The following ITGB5 variants were observed in gnomAD, a reference collection of about 807,000 sequenced individuals.
ITGB5 encodes the protein integrin beta-5.
A neutral mutation model predicts 84.8 loss-of-function variants in ITGB5; 38 were observed. The observed-to-expected ratio is 0.45, with a 90% CI of 0.35 to 0.59. The LOEUF (loss-of-function observed/expected upper bound fraction) is 0.59. Among genes scored for constraint, ITGB5 ranks in the 20% least tolerant of loss-of-function variants. The pLI, the probability that ITGB5 is intolerant of heterozygous loss-of-function variation, is 0.01. For synonymous variants in ITGB5, 393 were observed against 414.4 expected (o/e 0.95, Z 0.63); for missense variants, 905 against 1,034.5 (o/e 0.87, Z 1.72).
At chr3:124,847,744 TG>T (rs1233894871) in intron 4 of ITGB5, among the ~76,000 whole-genome samples, 1 of 152,238 alleles carries the variant, frequency 6.6e-6, no homozygotes, top group Non-Finnish European at 1.5e-5. Context: ...TTATACACTT[TG>T]TTATTATAGA....
In ITGB5 at chr3:124,764,551, C is replaced by T. The variant is rs750137408; in HGVS notation, c.2144G>A (p.Gly715Glu). Residue 715 changes from glycine (G) to glutamate (E), a missense_variant, in exon 14 of 15, where the codon GGA (glycine) becomes GAA (glutamate). Physicochemically the swap from Gly to Glu is moderately conservative, Grantham distance 98 (BLOSUM62 -2). Coordinates refer to ENST00000296181, the MANE Select transcript of ITGB5 (RefSeq NM_002213.5). ...NLTVLREPEC[G>E]NTPNAMTILL... ...GATGGTCATGGCGTTGGGGGTGTTT[C>T]CACACTCTGGGGGGACCAGAAGCAT... The T allele has an allele frequency of 2.5e-6, 4 of 1,610,458 alleles. No homozygotes were observed. Among genetic ancestry groups the T allele is most frequent in the East Asian group, 4.5e-5 (2 of 44,798 alleles).
At chr3:124,894,245 A>G (rs1482068102) in intron 1 of ITGB5, among the ~76,000 whole-genome samples, 3 of 144,570 alleles carry the variant, frequency 2.1e-5, no homozygotes, top group Non-Finnish European at 4.5e-5. Flanking sequence ...CCATTCTCCT[A>G]CCTCAGCCTC....
At chr3:124,852,996 T>C (rs540850594) in intron 3 of ITGB5, among the ~76,000 whole-genome samples, 2 of 152,330 alleles carry the variant, frequency 1.3e-5, no homozygotes, top group Admixed American at 6.5e-5. Context: ...TCAAAAACTT[T>C]TTTTAATTTT....
rs1039572100 is a variant in ITGB5 at position 124,762,502 on chromosome 3, G to A, written c.*1121C>T. 1.3e-5 allele frequency: 2 copies of A among 152,224 alleles called. No individual in the cohort carries two copies. Among genetic ancestry groups the A allele is most frequent in the African/African-American group, 4.8e-5 (2 of 41,452 alleles). The allele number at this position is 152,224 out of a possible 1,614,324, so 9.4% of individuals were successfully genotyped here. A position where few individuals can be genotyped will look rare whatever the true frequency, so the allele number is the denominator to read the frequency against. Reference sequence around the variant, plus strand: ...ATATGGGAACTTAAGGGGACTTCATGGCCCTGCGGGAAAAAAGCTCAAATG... The same window carrying A: ...ATATGGGAACTTAAGGGGACTTCATAGCCCTGCGGGAAAAAAGCTCAAATG... On this transcript the variant is annotated 3_prime_UTR_variant, in exon 15 of 15. Coordinates refer to ENST00000296181, the MANE Select transcript of ITGB5 (RefSeq NM_002213.5).
intron 10 of ITGB5, among the ~76,000 whole-genome samples, chr3:124,788,430 C>T (rs1432344200): frequency 6.6e-6 from 1 of 152,180 alleles, no homozygotes; most frequent in Non-Finnish European, 1.5e-5. Flanking sequence ...GGCAGCTCTG[C>T]CTGTGTTATC....
intron 4 of ITGB5, among the ~76,000 whole-genome samples, chr3:124,841,822 A>G (rs373346828): frequency 6.6e-6 from 1 of 152,258 alleles, no homozygotes; most frequent in South Asian, 2.1e-4. Context: ...CAGAGATAAT[A>G]GTAGGCTACT....
intron 1 of ITGB5, among the ~76,000 whole-genome samples, chr3:124,898,052 G>C (rs995643271): frequency 6.6e-6 from 1 of 152,110 alleles, no homozygotes; most frequent in African/African-American, 2.4e-5. Context: ...ATGCAGAGCA[G>C]TAATGACCTT....
intron 8 of ITGB5, among the ~76,000 whole-genome samples, chr3:124,812,038 G>T (rs1344650003): frequency 6.6e-6 from 1 of 152,228 alleles, no homozygotes; most frequent in Non-Finnish European, 1.5e-5. Flanking sequence ...TCATCAGGTT[G>T]TATCGTGGTT....
intron 11 of ITGB5, among the ~76,000 whole-genome samples, chr3:124,770,920 C>T (rs372128109): frequency 6.6e-6 from 1 of 151,682 alleles, no homozygotes. Context: ...CTGCACCAGC[C>T]TCCCAGATTA....
At chr3:124,876,636 G>A (rs538523960) in intron 1 of ITGB5, among the ~76,000 whole-genome samples, 10 of 152,228 alleles carry the variant, frequency 6.6e-5, no homozygotes, top group Admixed American at 2.0e-4. Flanking sequence ...GAGAGGCTAG[G>A]AAGAAAGGAA....
chr3:124,885,979 G>T (rs759258157), intron 1 of ITGB5, among the ~76,000 whole-genome samples: 4 of 152,180 alleles, frequency 2.6e-5, no homozygotes, highest in African/African-American at 9.7e-5. Flanking sequence ...AAAGTTAATA[G>T]AGCACTATTA....
At chr3:124,866,749 T>A (rs1269947890) in intron 2 of ITGB5, among the ~76,000 whole-genome samples, 7 of 152,152 alleles carry the variant, frequency 4.6e-5, no homozygotes, top group African/African-American at 1.7e-4. Context: ...AGCTCCAACT[T>A]GGCAGAACCC....
intron 5 of ITGB5, among the ~76,000 whole-genome samples, chr3:124,826,985 A>G (rs2064792771): frequency 6.6e-6 from 1 of 152,232 alleles, no homozygotes; most frequent in Non-Finnish European, 1.5e-5. Context: ...GAGTATTTAC[A>G]TTAAAAATAA....
rs1273505050 is a variant in ITGB5 at position 124,870,745 on chromosome 3, A to AG, written c.156+2700_156+2701insC. The stretch of plus-strand genomic sequence containing the variant: ...CATCTCAAAAGAAAAAAAAAAAAAA[A>AG]AACCCCAGTGGAGGGAGCTTACATT... On this transcript the variant is annotated intron_variant, in intron 2 of 14. Coordinates refer to ENST00000296181, the MANE Select transcript of ITGB5 (RefSeq NM_002213.5). Among the ~76,000 whole-genome samples, 922 of 150,278 alleles carry AG rather than the reference A, an allele frequency of 6.1e-3. 7 individuals carry two copies. Among genetic ancestry groups the AG allele is most frequent in the African/African-American group, 0.02 (817 of 40,948 alleles).
intron 11 of ITGB5, among the ~76,000 whole-genome samples, chr3:124,772,960 C>T (rs1300712503): frequency 6.9e-6 from 1 of 144,848 alleles, no homozygotes; most frequent in African/African-American, 2.6e-5. Context: ...GTTGCCCAGG[C>T]TGGGGTGCAG....
In ITGB5 at chr3:124,821,073, G is replaced by A. The variant is rs1008789523; in HGVS notation, c.942+240C>T. 3.3e-5 allele frequency among the ~76,000 whole-genome samples: 5 copies of A among 152,122 alleles called. No homozygotes were observed. The East Asian group carries it at 5.8e-4, about 18-fold the overall frequency. ...CCAACCAAACACTTCCCATTTAGAC[G>A]CACATTGACAGAAAGATGAACCAGC... On this transcript the variant is annotated intron_variant, in intron 6 of 14. Transcript: ENST00000296181.
At chr3:124,769,752 C>T (rs2063815764) in intron 11 of ITGB5, 2 of 152,384 alleles carry the variant, frequency 1.3e-5, no homozygotes, top group Non-Finnish European at 2.9e-5. Flanking sequence ...GCCCATCTGC[C>T]AGGTCCCCCG....
At chr3:124,788,045 C>T (rs913205860) in intron 10 of ITGB5, among the ~76,000 whole-genome samples, 1 of 151,852 alleles carries the variant, frequency 6.6e-6, no homozygotes, top group African/African-American at 2.4e-5. Flanking sequence ...GTAGCTGGGA[C>T]CACAGGCACA....
chr3:124,798,498 C>T (rs1336401012), intron 9 of ITGB5, among the ~76,000 whole-genome samples: 8 of 152,176 alleles, frequency 5.3e-5, no homozygotes, highest in African/African-American at 1.4e-4. Context: ...CGGCTCACTG[C>T]AGCCTCTGCC....
Sources: allele counts gnomAD v4.1 joint callset (sites outside exome capture counted in the v4.1 genomes callset), GRCh38; gene constraint gnomAD v4.1.1; transcripts MANE v1.5; gene names NCBI Gene and HGNC (gene_info 2026-07-23, HGNC 2026-07-21).